The following CERS6 variants were observed in gnomAD, a reference collection of about 807,000 sequenced individuals.
The protein encoded by CERS6 is LAG1 homolog, ceramide synthase 6.
CERS6 carries 26 observed loss-of-function variants against 56.8 expected under a neutral mutation model. The observed-to-expected ratio is 0.46, with a 90% confidence interval of 0.34 to 0.63. CERS6 has a LOEUF of 0.63. Ranked by LOEUF, CERS6 falls within the 30% of genes least tolerant of loss-of-function variation. The pLI is 0.01. For missense variants in CERS6, 415 were observed against 467.5 expected (o/e 0.89, Z 1.04); for synonymous variants, 164 against 173.3 (o/e 0.95, Z 0.42).
intron 8 of CERS6, among the ~76,000 whole-genome samples, chr2:168,742,728 G>A (rs1020722704): frequency 6.6e-6 from 1 of 152,206 alleles, no homozygotes; most frequent in Admixed American, 6.5e-5. Context: ...AGAACAGAAA[G>A]ATTGATGGAC....
rs73969229 is a variant in CERS6 at position 168,498,569 on chromosome 2, C to T, written c.170+41951C>T. Reference sequence around the variant, plus strand: ...GGCCTGCACGTGTGCAGTAGGCTAACGTGTATGCAACATGTGTCCCACGTT... The same window carrying T: ...GGCCTGCACGTGTGCAGTAGGCTAATGTGTATGCAACATGTGTCCCACGTT... On this transcript the variant is annotated intron_variant, in intron 1 of 9. Transcript: ENST00000305747. 8.0e-4 allele frequency among the ~76,000 whole-genome samples: 122 copies of T among 152,294 alleles called. 2 individuals carry two copies. The highest frequency in any genetic ancestry group is 2.8e-3 in the African/African-American group (117 of 41,562).
At chr2:168,698,627 A>G (rs1189215196) in intron 6 of CERS6, among the ~76,000 whole-genome samples, 3 of 152,160 alleles carry the variant, frequency 2.0e-5, no homozygotes, top group Non-Finnish European at 4.4e-5. Context: ...ATTACATTGC[A>G]ACATGAGATT....
chr2:168,503,350 A>G (rs995082553), intron 1 of CERS6, among the ~76,000 whole-genome samples: 8 of 152,170 alleles, frequency 5.3e-5, no homozygotes, highest in African/African-American at 1.9e-4. Flanking sequence ...AGAGTCATGG[A>G]AGATACCCTC....
At position 168,753,278 on chromosome 2, in the gene CERS6, C is replaced by T. The variant is rs979844518; in HGVS notation, c.846-12314C>T. On this transcript the variant is annotated intron_variant, in intron 8 of 9. Coordinates refer to ENST00000305747, the MANE Select transcript of CERS6 (RefSeq NM_203463.3). The stretch of plus-strand genomic sequence containing the variant: ...CACTTTCCACCCATATTCCCAGGCA[C>T]AGCCATCGTATTCTATAGCAATGAT... Among the ~76,000 whole-genome samples the T allele has an allele frequency of 5.3e-5, 8 of 152,220 alleles. No individual in the cohort carries two copies. The South Asian group carries it at 1.7e-3, about 32-fold the overall frequency.
At chr2:168,692,020 G>T (rs1312483265) in intron 5 of CERS6, among the ~76,000 whole-genome samples, 1 of 152,152 alleles carries the variant, frequency 6.6e-6, no homozygotes, top group Non-Finnish European at 1.5e-5. Context: ...GGCAGAGGGT[G>T]GGGACTGGCA....
chr2:168,569,578 G>T (rs1433265327), intron 3 of CERS6, among the ~76,000 whole-genome samples: 3 of 152,246 alleles, frequency 2.0e-5, no homozygotes, highest in African/African-American at 4.8e-5. Context: ...ATTCAGTTCA[G>T]CCTGGTTCAG....
intron 1 of CERS6, among the ~76,000 whole-genome samples, chr2:168,516,238 C>T (rs373021420): frequency 1.3e-5 from 2 of 152,076 alleles, no homozygotes; most frequent in African/African-American, 4.8e-5. Context: ...GACTCACCCA[C>T]CATGGAATCA....
At chr2:168,531,022 A>G (rs1201001205) in intron 1 of CERS6, among the ~76,000 whole-genome samples, 1 of 152,216 alleles carries the variant, frequency 6.6e-6, no homozygotes, top group Admixed American at 6.5e-5. Context: ...TAAAATGAAG[A>G]TAGATTCAGA....
At chr2:168,523,869 G>A (rs553902126) in intron 1 of CERS6, among the ~76,000 whole-genome samples, 4 of 152,284 alleles carry the variant, frequency 2.6e-5, no homozygotes, top group African/African-American at 9.6e-5. Flanking sequence ...TGGGCATATC[G>A]GGAAGTATTT....
chr2:168,597,183 G>T (rs6759728), intron 3 of CERS6, among the ~76,000 whole-genome samples: 18,087 of 152,126 alleles, frequency 0.12, 2,103 homozygotes, highest in African/African-American at 0.31. Context: ...CAAGACATAG[G>T]GTTTTATTGG....
rs150724635 is a variant in CERS6, at chr2:168,520,598, CTTTT to C, written c.171-26972_171-26969del. Among the ~76,000 whole-genome samples, 530 of 57,882 alleles carry C rather than the reference CTTTT, an allele frequency of 9.2e-3. 62 individuals are homozygous for C. Among genetic ancestry groups the C allele is most frequent in the African/African-American group, 0.025 (435 of 17,594 alleles). The allele number at this position is 57,882 out of a possible 152,430, so 38.0% of individuals were successfully genotyped here. ...TTAACTCTTTAACATTTACAATATC[CTTTT>C]TTTTTTTTTTTTTTTTTTTTTTTTT... On this transcript the variant is annotated intron_variant, in intron 1 of 9. Transcript: ENST00000305747.
intron 4 of CERS6, among the ~76,000 whole-genome samples, chr2:168,675,421 C>T (rs1367098968): frequency 6.6e-6 from 1 of 151,742 alleles, no homozygotes; most frequent in Non-Finnish European, 1.5e-5. Flanking sequence ...CCTGCCTCTA[C>T]AAAAAACACA....
chr2:168,639,669 T>G (rs1684941656), intron 4 of CERS6, among the ~76,000 whole-genome samples: 1 of 151,938 alleles, frequency 6.6e-6, no homozygotes, highest in Non-Finnish European at 1.5e-5. Context: ...TGTCTGGGTG[T>G]GTTTGGGATG....
At chr2:168,715,344 A>G (rs936011134) in intron 7 of CERS6, among the ~76,000 whole-genome samples, 7 of 152,214 alleles carry the variant, frequency 4.6e-5, no homozygotes, top group Non-Finnish European at 7.4e-5. Context: ...TGTTAATAAA[A>G]TGCTGAAAAC....
intron 1 of CERS6, among the ~76,000 whole-genome samples, chr2:168,523,009 T>G (rs1695009067): frequency 6.6e-6 from 1 of 152,266 alleles, no homozygotes; most frequent in African/African-American, 2.4e-5. Context: ...TATTGATAGC[T>G]GTATTAGTAA....
chr2:168,746,241 T>A (rs1270634207), intron 8 of CERS6, among the ~76,000 whole-genome samples: 1 of 152,228 alleles, frequency 6.6e-6, no homozygotes, highest in Middle Eastern at 3.2e-3. Context: ...GCAACCTCAC[T>A]TATAGCCAGA....
chr2:168,566,740 A>T (rs1393673260), intron 3 of CERS6, among the ~76,000 whole-genome samples: 1 of 151,666 alleles, frequency 6.6e-6, no homozygotes, highest in East Asian at 1.9e-4. Flanking sequence ...TCAGTCTTTT[A>T]TCTGAGGAAA....
chr2:168,639,451 A>T (rs1472194044), intron 4 of CERS6, among the ~76,000 whole-genome samples: 1 of 152,222 alleles, frequency 6.6e-6, no homozygotes, highest in Non-Finnish European at 1.5e-5. Flanking sequence ...CGAGGAAAGC[A>T]TTACTCAAGT....
At chr2:168,496,716 C>T (rs1224195983) in intron 1 of CERS6, among the ~76,000 whole-genome samples, 9 of 152,142 alleles carry the variant, frequency 5.9e-5, no homozygotes, top group Non-Finnish European at 1.3e-4. Flanking sequence ...TATTATGTTG[C>T]TCATCTTGTT....
Sources: gnomAD v4.1 joint callset for allele counts (sites outside exome capture counted in the v4.1 genomes callset) on GRCh38, gnomAD v4.1.1 for gene constraint, MANE v1.5 for transcripts, NCBI Gene and HGNC (gene_info 2026-07-23, HGNC 2026-07-21) for gene names.